The following LIG3 variants were observed in gnomAD, a reference collection of about 807,000 sequenced individuals.
LIG3 encodes ligase II, DNA, ATP-dependent.
In LIG3, 58 loss-of-function variants were observed where a neutral mutation model predicts 110.9. The observed-to-expected ratio is 0.52, with a 90% CI of 0.42 to 0.65. LIG3 has a LOEUF of 0.65. Ranked by LOEUF, LIG3 falls within the 30% of genes least tolerant of loss-of-function variation. The pLI is 0.00. For synonymous variants in LIG3, 422 were observed against 472.8 expected, an observed-to-expected ratio of 0.89 and a Z score of 1.39; for missense variants, 1,094 against 1,273.8, an observed-to-expected ratio of 0.86 and a Z score of 2.15.
At position 35,001,906 on chromosome 17, in the gene LIG3, C is replaced by A. The variant is rs1367041421; in HGVS notation, c.2479-3C>A. The A allele has an allele frequency of 6.2e-7, 1 of 1,607,634 alleles. No individual in the cohort carries two copies. The highest frequency in any genetic ancestry group is 1.7e-5 in the Admixed American group (1 of 57,866). On this transcript the variant is annotated splice_polypyrimidine_tract_variant and splice_region_variant and intron_variant, in intron 17 of 19. Coordinates refer to ENST00000378526, the MANE Select transcript of LIG3 (RefSeq NM_013975.4). Reference sequence around the variant, plus strand: ...CCTCTGACATTGTCCCTCCCCGCCTCAGGAACTGTACCAGTTGTCCAAGGA... The same window carrying A: ...CCTCTGACATTGTCCCTCCCCGCCTAAGGAACTGTACCAGTTGTCCAAGGA...
intron 3 of LIG3, among the ~76,000 whole-genome samples, chr17:34,987,766 C>T (rs948202216): frequency 1.3e-5 from 2 of 152,204 alleles, no homozygotes; most frequent in African/African-American, 4.8e-5. Flanking sequence ...TTCCCCTCTG[C>T]TTCAGTGAGT....
chr17:35,004,332 C>G lies in LIG3; in HGVS notation c.2856C>G (p.Phe952Leu). ...ACTTGCCACCCTCCACACCAGACTT[C>G]AGCCGTCTCAGACGCTACTTTGTGG... ...RLYLPPSTPD[F>L]SRLRRYFVAF... The change falls in exon 20 of 20, where the codon TTC becomes TTG. Residue 952 changes from phenylalanine to leucine, a missense_variant. Transcript: ENST00000378526. 6.2e-7 allele frequency: 1 copy of G among 1,614,174 alleles called. No homozygotes were observed. Among genetic ancestry groups the G allele is most frequent in the Non-Finnish European group, 8.5e-7 (1 of 1,180,044 alleles).
In LIG3 at chr17:35,005,853, AAAAG is replaced by A. The variant is rs1771465023; in HGVS notation, c.*1351_*1354del. ...GTGGGAAAGAATGAAGAGCAGCAGTAAAAGAAATACCTAGCGAAAAAAACAGGAA... is the reference window on the plus strand; with the variant it reads ...GTGGGAAAGAATGAAGAGCAGCAGTAAAATACCTAGCGAAAAAAACAGGAA... On this transcript the variant is annotated 3_prime_UTR_variant, in exon 20 of 20. Coordinates refer to ENST00000378526, the MANE Select transcript of LIG3 (RefSeq NM_013975.4). 2.5e-6 allele frequency: 1 copy of A among 396,936 alleles called. No homozygotes were observed. 24.6% of individuals were successfully genotyped at this position (396,936 alleles called of 1,614,324 possible).
At chr17:34,986,997 G>A (rs923250553) in intron 3 of LIG3, among the ~76,000 whole-genome samples, 1 of 152,230 alleles carries the variant, frequency 6.6e-6, no homozygotes. Flanking sequence ...TGGAATCAGT[G>A]AGCTCTGGGT....
rs761614319 is a variant in LIG3 at position 34,983,253 on chromosome 17, G to A, written c.248G>A (p.Ser83Asn). The change falls in exon 2 of 20, where the codon AGT becomes AAT. Residue 83 changes from serine to asparagine, a missense_variant. By Grantham distance (46) the Ser-to-Asn change is conservative. Transcript: ENST00000378526. Reference sequence around the variant, plus strand: ...CCAGGGTTGCATGTGGGACTCTGCAGTGGCCCCTGTGAGATGGCTGAGCAA... The same window carrying A: ...CCAGGGTTGCATGTGGGACTCTGCAATGGCCCCTGTGAGATGGCTGAGCAA... ...FLPGLHVGLCSGPCEMAEQRF... is the reference protein window; with the variant it reads ...FLPGLHVGLCNGPCEMAEQRF... 3 of 1,614,246 alleles carry A rather than the reference G, an allele frequency of 1.9e-6. No individual in the cohort carries two copies. The highest frequency in any genetic ancestry group is 2.2e-5 in the South Asian group (2 of 91,088).
rs535474044 is a variant in LIG3, at chr17:35,003,261, C to T, written c.2796+472C>T. 7.2e-5 allele frequency: 81 copies of T among 1,119,328 alleles called. No individual in the cohort carries two copies. The African/African-American group carries it at 1.0e-3, about 14-fold the overall frequency. The allele number at this position is 1,119,328 out of a possible 1,614,324, so 69.3% of individuals were successfully genotyped here. A position where few individuals can be genotyped will look rare whatever the true frequency, so the allele number is the denominator to read the frequency against. On this transcript the variant is annotated intron_variant, in intron 19 of 19. Coordinates refer to ENST00000378526, the MANE Select transcript of LIG3 (RefSeq NM_013975.4). Reference sequence around the variant, plus strand: ...CACCTGAGGAGCCTTTTCCCTGTTACATTTTCTTGTCAGTCTTGGGTTTGG... The same window carrying T: ...CACCTGAGGAGCCTTTTCCCTGTTATATTTTCTTGTCAGTCTTGGGTTTGG...
At chr17:35,010,477 G>T (rs1348519909), downstream of LIG3, 1 of 152,270 alleles carries the variant, frequency 6.6e-6, no homozygotes, top group Non-Finnish European at 1.5e-5. Context: ...TCTCCTGCTG[G>T]GTGTGGTGGC....
Position 34,983,521 on chromosome 17 carries a change from T to A in LIG3, c.516T>A (p.Asn172Lys). ...ELEGWEELED[N>K]EKEQITQHIA... ...AAGGCTGGGAAGAGCTGGAAGATAA[T>A]GAGAAGGAACAGATAACCCAGCACA... The change falls in exon 2 of 20, where the codon AAT (asparagine) becomes AAA (lysine). Residue 172 changes from asparagine (N) to lysine (K), a missense_variant. Physicochemically the swap from Asn to Lys is moderately conservative, Grantham distance 94. Coordinates refer to ENST00000378526, the MANE Select transcript of LIG3 (RefSeq NM_013975.4). The A allele has an allele frequency of 1.9e-6, 3 of 1,613,738 alleles. No individual in the cohort carries two copies. The highest frequency in any genetic ancestry group is 2.5e-6 in the Non-Finnish European group (3 of 1,179,920).
intron 13 of LIG3, 36 bp downstream of exon 13, chr17:34,998,332 A>G (rs1180800911): frequency 6.4e-7 from 1 of 1,564,228 alleles, no homozygotes; most frequent in Non-Finnish European, 8.8e-7. Flanking sequence ...CTGTCGACTC[A>G]CTCGCAGCCC....
chr17:35,000,643 TCTCA>T (rs1233940003), intron 16 of LIG3, among the ~76,000 whole-genome samples: 2 of 127,254 alleles, frequency 1.6e-5, no homozygotes, highest in Non-Finnish European at 3.2e-5. Context: ...TGAGACAGGG[TCTCA>T]CTCTGTTGTC....
At chr17:34,981,572 C>T (rs1195290734) in intron 1 of LIG3, 1 of 152,214 alleles carries the variant, frequency 6.6e-6, no homozygotes, top group Non-Finnish European at 1.5e-5. Context: ...GTATTATTTA[C>T]CCTGCTTTAG....
intron 13 of LIG3, 147 bp from the exon 14 acceptor site, chr17:34,998,457 G>T: frequency 1.8e-6 from 2 of 1,134,286 alleles, no homozygotes; most frequent in Non-Finnish European, 2.6e-6. Flanking sequence ...GGACTGCTTT[G>T]TGTGTCTCCT....
At position 34,989,673 on chromosome 17, in the gene LIG3, G is replaced by A. The variant is rs2142248914; in HGVS notation, c.889+10G>A. 6.2e-7 allele frequency: 1 copy of A among 1,613,774 alleles called. No homozygotes were observed. The highest frequency in any genetic ancestry group is 8.5e-7 in the Non-Finnish European group (1 of 1,179,778). ...AAAGGCTCAGCAGGAGGTGTGGCAT[G>A]AGCATCCTGAATAGGCCTTTCCTCC... On this transcript the variant is annotated intron_variant, in intron 4 of 19. Coordinates refer to ENST00000378526, the MANE Select transcript of LIG3 (RefSeq NM_013975.4).
intron 14 of LIG3, 156 bp downstream of exon 14, chr17:34,998,883 G>A (rs2090809583): frequency 3.7e-6 from 3 of 803,752 alleles, no homozygotes; most frequent in Middle Eastern, 3.8e-4. Flanking sequence ...AGTCACCTCA[G>A]GCAGAGCTGC....
At chr17:34,986,186 C>G (rs2090653551) in intron 3 of LIG3, 55 bp downstream of exon 3, 10 of 1,556,630 alleles carry the variant, frequency 6.4e-6, no homozygotes, top group Non-Finnish European at 8.8e-6. Context: ...ATTTTGTATT[C>G]TACCTAGGAT....
intron 2 of LIG3, among the ~76,000 whole-genome samples, chr17:34,984,796 GAGAC>G (rs1461791115): frequency 3.1e-5 from 4 of 129,064 alleles, no homozygotes; most frequent in Non-Finnish European, 1.6e-5. Context: ...TTTTTTTTTT[GAGAC>G]AGAGTCTCAC....
In LIG3 at chr17:35,004,504, T is replaced by C; in HGVS notation, c.3028T>C (p.Ter1010GlnextTer30). ...GAAACGGAGACTGGTAGCTCCCTGC[T>C]AGGTTTGCTGTCTTCCCTCTCCCTC... ...IRKRRLVAPC[*>Q] The change falls in exon 20 of 20, where the codon TAG becomes CAG. Residue 1010 changes from the stop codon to glutamine, a stop_lost. Coordinates refer to ENST00000378526, the MANE Select transcript of LIG3 (RefSeq NM_013975.4). The C allele has an allele frequency of 1.2e-6, 2 of 1,612,570 alleles. No homozygotes were observed. Among genetic ancestry groups the C allele is most frequent in the Non-Finnish European group, 1.7e-6 (2 of 1,178,688 alleles).
At position 34,994,480 on chromosome 17, in the gene LIG3, C is replaced by G. The variant is rs3135996; in HGVS notation, c.1611+49C>G. On this transcript the variant is annotated intron_variant, in intron 9 of 19. Transcript: ENST00000378526. The stretch of plus-strand genomic sequence containing the variant: ...AGGACCGTCTTTCCCCTTTCTGCCT[C>G]TAACAACCTCAGGGCCAGAGTCCCA... 3,106 of 1,583,484 alleles carry G rather than the reference C, an allele frequency of 2.0e-3. 48 individuals carry two copies. In the African/African-American group the frequency reaches 0.036, roughly 18 times the overall value.
At chr17:34,999,681 C>T in intron 15 of LIG3, 101 bp from the exon 16 acceptor site, 1 of 1,199,282 alleles carries the variant, frequency 8.3e-7, no homozygotes, top group Non-Finnish European at 1.2e-6. Context: ...GCTCAAACAT[C>T]AGCTGTTTAA....
Sources: allele counts gnomAD v4.1 joint callset (sites outside exome capture counted in the v4.1 genomes callset), GRCh38; gene constraint gnomAD v4.1.1; transcripts MANE v1.5; gene names NCBI Gene and HGNC (gene_info 2026-07-23, HGNC 2026-07-21).